TRPC7: variants seen among roughly 807,000 people sequenced by gnomAD.
TRPC7 encodes the protein short transient receptor potential channel 7.
In TRPC7, 42 loss-of-function variants were observed where a neutral mutation model predicts 90.1. The observed-to-expected ratio is 0.47, with a 90% CI of 0.36 to 0.60. The LOEUF (loss-of-function observed/expected upper bound fraction) is 0.60, where lower values mean the gene tolerates loss of function less well. Ranked by LOEUF, TRPC7 falls within the 20% of genes least tolerant of loss-of-function variation. TRPC7 has a pLI of 0.00. For synonymous variants in TRPC7, 451 were observed against 436.3 expected (o/e 1.03, Z -0.42); for missense variants, 955 against 1,112.3 (o/e 0.86, Z 2.01).
chr5:136,346,465 T>C (rs1014674247), intron 2 of TRPC7, among the ~76,000 whole-genome samples: 26 of 152,124 alleles, frequency 1.7e-4, no homozygotes, highest in African/African-American at 6.3e-4. Flanking sequence ...TTATCTGTTC[T>C]GCTTTTCCCA....
At chr5:136,241,406 A>G (rs1324566157) in intron 7 of TRPC7, among the ~76,000 whole-genome samples, 1 of 152,248 alleles carries the variant, frequency 6.6e-6, no homozygotes, top group Non-Finnish European at 1.5e-5. Context: ...AAGTTCACCC[A>G]AAGGGGAGAC....
intron 5 of TRPC7, among the ~76,000 whole-genome samples, chr5:136,263,159 T>C (rs1055133307): frequency 6.6e-6 from 1 of 152,222 alleles, no homozygotes; most frequent in Non-Finnish European, 1.5e-5. Context: ...TGGGGAGATA[T>C]TCGAGCTCTG....
chr5:136,321,693 C>T (rs1037740837), intron 2 of TRPC7, among the ~76,000 whole-genome samples: 3 of 152,086 alleles, frequency 2.0e-5, no homozygotes, highest in Non-Finnish European at 2.9e-5. Context: ...AAGACTGGCT[C>T]ATGGGTAGGA....
At chr5:136,226,299 T>C in intron 8 of TRPC7, 44 bp from the exon 9 acceptor site, 3 of 1,443,654 alleles carry the variant, frequency 2.1e-6, no homozygotes, top group Non-Finnish European at 2.9e-6. Context: ...AAGGCCACGA[T>C]TTAACAACGG....
chr5:136,241,458 T>C (rs1044226916), intron 7 of TRPC7, among the ~76,000 whole-genome samples: 1 of 152,226 alleles, frequency 6.6e-6, no homozygotes, highest in Admixed American at 6.5e-5. Flanking sequence ...CTTCACTTCC[T>C]ACTCTGGACC....
intron 3 of TRPC7, among the ~76,000 whole-genome samples, chr5:136,304,965 G>C (rs931806299): frequency 6.6e-6 from 1 of 152,222 alleles, no homozygotes; most frequent in African/African-American, 2.4e-5. Flanking sequence ...TACAGCAGCT[G>C]CCGCTGCTTT....
intron 3 of TRPC7, among the ~76,000 whole-genome samples, chr5:136,285,224 G>A (rs183142811): frequency 6.6e-6 from 1 of 152,174 alleles, no homozygotes; most frequent in African/African-American, 2.4e-5. Context: ...AGGGAGAGTT[G>A]TAACAGACTT....
chr5:136,288,543 G>A (rs1757813044), intron 3 of TRPC7, among the ~76,000 whole-genome samples: 1 of 151,684 alleles, frequency 6.6e-6, no homozygotes, highest in Admixed American at 6.6e-5. Flanking sequence ...AATTTGTCCA[G>A]TACTTACTAT....
chr5:136,232,683 T>C (rs1257809781), intron 7 of TRPC7, among the ~76,000 whole-genome samples: 1 of 152,200 alleles, frequency 6.6e-6, no homozygotes, highest in Non-Finnish European at 1.5e-5. Flanking sequence ...CCCAAGTGCA[T>C]TTCGTAGTCC....
chr5:136,339,152 A>AT (rs1312928046), intron 2 of TRPC7, among the ~76,000 whole-genome samples: 2 of 152,204 alleles, frequency 1.3e-5, no homozygotes, highest in South Asian at 2.1e-4. Context: ...TGTTTCTATT[A>AT]TGTTCCATCT....
At chr5:136,350,280 G>A (rs1170132629) in intron 2 of TRPC7, among the ~76,000 whole-genome samples, 1 of 152,188 alleles carries the variant, frequency 6.6e-6, no homozygotes, top group Non-Finnish European at 1.5e-5. Context: ...TCTGGTTCCA[G>A]GGCCAACCTC....
At chr5:136,353,447 C>T (rs1282399765) in intron 2 of TRPC7, among the ~76,000 whole-genome samples, 2 of 152,172 alleles carry the variant, frequency 1.3e-5, no homozygotes, top group Non-Finnish European at 2.9e-5. Context: ...GGCATCAGGT[C>T]ATCTCCATAA....
chr5:136,306,821 G>GT (rs1176047945), intron 3 of TRPC7, among the ~76,000 whole-genome samples: 1 of 152,050 alleles, frequency 6.6e-6, no homozygotes, highest in African/African-American at 2.4e-5. Context: ...CCTTGAGAAT[G>GT]TACTTTGTGA....
chr5:136,258,395 C>T (rs1478909332), intron 5 of TRPC7, among the ~76,000 whole-genome samples: 1 of 152,212 alleles, frequency 6.6e-6, no homozygotes, highest in African/African-American at 2.4e-5. Context: ...TATATCCAAG[C>T]TGAGCCCCAT....
At chr5:136,287,594 C>A (rs1235902286) in intron 3 of TRPC7, among the ~76,000 whole-genome samples, 1 of 148,318 alleles carries the variant, frequency 6.7e-6, no homozygotes. Context: ...GGTCTTGCTT[C>A]ATTTGAAGCT....
Position 136,307,137 on chromosome 5 carries a change from A to G in TRPC7, c.963+8460T>C, listed in dbSNP as rs560542083. On this transcript the variant is annotated intron_variant, in intron 3 of 11. Transcript: ENST00000513104. Reference sequence around the variant, plus strand: ...ATCACCTTGCTTACCTATCATTTCTATGGTGAGACATGAAAATTTACTTTC... The same window carrying G: ...ATCACCTTGCTTACCTATCATTTCTGTGGTGAGACATGAAAATTTACTTTC... Among the ~76,000 whole-genome samples the G allele has an allele frequency of 3.7e-4, 56 of 152,382 alleles. No individual in the cohort carries two copies. In the South Asian group the frequency reaches 0.011, roughly 30 times the overall value.
rs891686846 is a variant in TRPC7, at chr5:136,286,539, T to C, written c.964-11702A>G. Among the ~76,000 whole-genome samples the C allele has an allele frequency of 4.6e-5, 7 of 152,304 alleles. No individual in the cohort carries two copies. In the South Asian group the frequency reaches 1.2e-3, roughly 27 times the overall value. On this transcript the variant is annotated intron_variant, in intron 3 of 11. Coordinates refer to ENST00000513104, the MANE Select transcript of TRPC7 (RefSeq NM_020389.3). ...TAAAAGAGCATTGAGGTGCCTGCCA[T>C]GTGGGTATAGCCTTCTGATGTCTTC... is the stretch of plus-strand genomic sequence containing the variant.
At chr5:136,301,319 AC>A (rs1758373997) in intron 3 of TRPC7, among the ~76,000 whole-genome samples, 2 of 132,284 alleles carry the variant, frequency 1.5e-5, no homozygotes, top group South Asian at 2.4e-4. Flanking sequence ...GAGCCACTGC[AC>A]CCAGCCCAGG....
intron 4 of TRPC7, among the ~76,000 whole-genome samples, chr5:136,267,040 T>C (rs1757056293): frequency 6.6e-6 from 1 of 152,230 alleles, no homozygotes; most frequent in Non-Finnish European, 1.5e-5. Context: ...GAGGACTTTT[T>C]TTCTCCCTGC....
Sources: gnomAD v4.1 joint callset for allele counts (sites outside exome capture counted in the v4.1 genomes callset) on GRCh38, gnomAD v4.1.1 for gene constraint, MANE v1.5 for transcripts, NCBI Gene and HGNC (gene_info 2026-07-23, HGNC 2026-07-21) for gene names.